TTI1: variants seen among roughly 807,000 people sequenced by gnomAD.
TTI1 encodes the protein TELO2-interacting protein 1 homolog.
A neutral mutation model predicts 85.4 loss-of-function variants in TTI1; 52 were observed. The ratio of observed to expected loss-of-function variants is 0.61; its 90% CI spans 0.49 to 0.77. The LOEUF is 0.77. TTI1 is among the 30% of genes least tolerant of loss of function. The pLI, the probability that TTI1 is intolerant of heterozygous loss-of-function variation, is 0.00. For synonymous variants in TTI1, 512 were observed against 503.9 expected, an observed-to-expected ratio of 1.02 and a Z score of -0.22; for missense variants, 1,173 against 1,296.0, an observed-to-expected ratio of 0.91 and a Z score of 1.46.
At position 38,012,871 on chromosome 20, in the gene TTI1, C is replaced by T. The variant is rs2073621052; in HGVS notation, c.946G>A (p.Asp316Asn). The T allele has an allele frequency of 6.2e-7, 1 of 1,614,198 alleles. No individual in the cohort carries two copies. Among genetic ancestry groups the T allele is most frequent in the Non-Finnish European group, 8.5e-7 (1 of 1,180,038 alleles). ...GATTGACTGCACTTCAAAAGAAGGT[C>T]CTCCACAAGTTCTACCAGTTCCAGT... is the stretch of plus-strand genomic sequence containing the variant. ...VRLELVELVE[D>N]LLLKCSQSLV... The change falls in exon 2 of 8, where the codon GAC becomes AAC. Residue 316 changes from aspartate (D) to asparagine (N), a missense_variant. Coordinates refer to ENST00000373447, the MANE Select transcript of TTI1 (RefSeq NM_001303457.2).
At chr20:37,992,521 C>T (rs1221790285) in intron 7 of TTI1, among the ~76,000 whole-genome samples, 1 of 152,168 alleles carries the variant, frequency 6.6e-6, no homozygotes, top group African/African-American at 2.4e-5. Flanking sequence ...AGGTGATTCT[C>T]CCACCTCAGC....
Position 38,006,177 on chromosome 20 carries a change from A to G in TTI1, c.2503+20T>C, listed in dbSNP as rs776992837. 5 of 1,613,366 alleles carry G rather than the reference A, an allele frequency of 3.1e-6. No individual in the cohort carries two copies. In the Admixed American group the frequency reaches 5.0e-5, roughly 16 times the overall value. ...TGTTTCAGAAAGAAAAAACCAGCTAAGCCAAAATAAACAAGTTACCTTCTT... is the reference window on the plus strand; with the variant it reads ...TGTTTCAGAAAGAAAAAACCAGCTAGGCCAAAATAAACAAGTTACCTTCTT... On this transcript the variant is annotated intron_variant, in intron 3 of 7. Coordinates refer to ENST00000373447, the MANE Select transcript of TTI1 (RefSeq NM_001303457.2).
In TTI1 at chr20:37,983,512, C is replaced by T. The variant is rs376547533; in HGVS notation, c.3214G>A (p.Gly1072Arg). 174 of 1,611,284 alleles carry T rather than the reference C, an allele frequency of 1.1e-4. 1 individual carries two copies. Among genetic ancestry groups the T allele is most frequent in the South Asian group, 5.8e-4 (53 of 90,974 alleles). ...TTGGTCGTGTAGGGGTTCTGCTGCC[C>T]GCTGGCCCCGTGCAGCTGCACAGGG... ...LHPVQLHGASGQQNPYTTNVL... is the reference protein window; with the variant it reads ...LHPVQLHGASRQQNPYTTNVL... The change falls in exon 8 of 8, where the codon GGG (glycine) becomes AGG (arginine). Residue 1072 changes from glycine to arginine, a missense_variant. Transcript: ENST00000373447.
chr20:38,028,572 T>C (rs1276509494), intron 1 of TTI1, among the ~76,000 whole-genome samples: 1 of 152,228 alleles, frequency 6.6e-6, no homozygotes, highest in Non-Finnish European at 1.5e-5. Flanking sequence ...GACTTCAATA[T>C]TCCTCTCTCA....
At chr20:37,986,887 C>T (rs1029890063) in intron 7 of TTI1, among the ~76,000 whole-genome samples, 1 of 152,206 alleles carries the variant, frequency 6.6e-6, no homozygotes, top group African/African-American at 2.4e-5. Context: ...ATAATTTTCT[C>T]CATACTGACT....
chr20:38,027,269 T>C (rs994907315), intron 1 of TTI1, among the ~76,000 whole-genome samples: 12 of 152,296 alleles, frequency 7.9e-5, no homozygotes, highest in African/African-American at 2.9e-4. Context: ...TCCCATATAT[T>C]TTATATCAAC....
At chr20:38,027,790 G>GC (rs989890430) in intron 1 of TTI1, among the ~76,000 whole-genome samples, 1 of 152,070 alleles carries the variant, frequency 6.6e-6, no homozygotes, top group Non-Finnish European at 1.5e-5. Context: ...CAGGCATGAT[G>GC]GCAGGTGCCT....
Position 38,031,901 on chromosome 20 carries a change from A to C in TTI1, c.-42+1503T>G, listed in dbSNP as rs187012322. Among the ~76,000 whole-genome samples the C allele has an allele frequency of 2.0e-5, 3 of 152,350 alleles. No individual in the cohort carries two copies. In the East Asian group the frequency reaches 5.8e-4, roughly 29 times the overall value. On this transcript the variant is annotated intron_variant, in intron 1 of 7. Transcript: ENST00000373447. ...AAGACTGATGTAAGAATTAAATTTA[A>C]AAAGTATGTAATGTGCTTAATAGAC...
chr20:38,017,435 T>TGTGCGC (rs879610985), intron 1 of TTI1, among the ~76,000 whole-genome samples: 4 of 146,132 alleles, frequency 2.7e-5, no homozygotes, highest in Non-Finnish European at 4.5e-5. Context: ...TGTGTGTGTG[T>TGTGCGC]GCGCGCGCGC....
chr20:38,002,124 C>T (rs1444776952), intron 4 of TTI1, among the ~76,000 whole-genome samples: 1 of 152,120 alleles, frequency 6.6e-6, no homozygotes, highest in Non-Finnish European at 1.5e-5. Flanking sequence ...CCCACTTCTA[C>T]CCCACCCCAC....
At chr20:38,022,704 T>C (rs1369115069) in intron 1 of TTI1, among the ~76,000 whole-genome samples, 1 of 152,220 alleles carries the variant, frequency 6.6e-6, no homozygotes, top group Non-Finnish European at 1.5e-5. Flanking sequence ...TAGATTTGGT[T>C]GTACTCCAGC....
chr20:37,986,935 A>G (rs896622721), intron 7 of TTI1: 3 of 341,576 alleles, frequency 8.8e-6, no homozygotes, highest in Admixed American at 4.0e-5. Flanking sequence ...ATGATGTTCT[A>G]ATTTCGCCCA....
chr20:38,000,643 T>C (rs1039990367), intron 4 of TTI1: 1 of 152,654 alleles, frequency 6.6e-6, no homozygotes, highest in African/African-American at 2.4e-5. Context: ...GAAGAGACCC[T>C]GCCATTGAGG....
intron 7 of TTI1, among the ~76,000 whole-genome samples, chr20:37,994,413 G>C (rs1568610460): frequency 6.6e-6 from 1 of 152,116 alleles, no homozygotes; most frequent in Non-Finnish European, 1.5e-5. Context: ...GATAACAGGC[G>C]TAAGCCACCC....
intron 1 of TTI1, among the ~76,000 whole-genome samples, chr20:38,029,604 C>T (rs1233141036): frequency 2.0e-5 from 3 of 151,168 alleles, no homozygotes; most frequent in South Asian, 2.1e-4. Context: ...AGAGAAGAGA[C>T]GAGACACTGA....
Position 37,995,379 on chromosome 20 carries a change from C to T in TTI1, c.3086+996G>A, listed in dbSNP as rs143281319. The stretch of plus-strand genomic sequence containing the variant: ...GGCTCTCCTCACTGCACAGTCAGAG[C>T]AGCCTTTCCACTCCTCAGGGAATGA... On this transcript the variant is annotated intron_variant, in intron 7 of 7. Coordinates refer to ENST00000373447, the MANE Select transcript of TTI1 (RefSeq NM_001303457.2). Among the ~76,000 whole-genome samples, 1,218 of 152,376 alleles carry T rather than the reference C, an allele frequency of 8.0e-3. 6 individuals carry two copies. Among genetic ancestry groups the T allele is most frequent in the African/African-American group, 0.023 (952 of 41,590 alleles).
intron 7 of TTI1, among the ~76,000 whole-genome samples, chr20:37,992,208 G>C (rs534777494): frequency 6.6e-6 from 1 of 152,190 alleles, no homozygotes; most frequent in Admixed American, 6.5e-5. Flanking sequence ...GAGTAGGACT[G>C]GGGGTGGAGG....
chr20:37,991,560 T>C (rs2073265534), intron 7 of TTI1, among the ~76,000 whole-genome samples: 1 of 152,220 alleles, frequency 6.6e-6, no homozygotes, highest in Non-Finnish European at 1.5e-5. Flanking sequence ...TCAAACCCGG[T>C]CCTGACTTCT....
At chr20:38,004,261 T>G (rs1600626201) in intron 3 of TTI1, among the ~76,000 whole-genome samples, 1 of 152,174 alleles carries the variant, frequency 6.6e-6, no homozygotes, top group African/African-American at 2.4e-5. Context: ...GTCAAAATCC[T>G]TACCCTGAAA....
Sources: allele counts gnomAD v4.1 joint callset (sites outside exome capture counted in the v4.1 genomes callset), GRCh38; gene constraint gnomAD v4.1.1; transcripts MANE v1.5; gene names NCBI Gene and HGNC (gene_info 2026-07-23, HGNC 2026-07-21).